HDAC9: variants seen among roughly 807,000 people sequenced by gnomAD.
The protein encoded by HDAC9 is MEF-2 interacting transcription repressor (MITR) protein.
Under a neutral mutation model 139.4 loss-of-function variants are expected in HDAC9, and 41 were observed. That is an observed-to-expected ratio of 0.29 (90% confidence interval 0.23 to 0.38). The LOEUF (loss-of-function observed/expected upper bound fraction) is 0.38, where lower values mean the gene tolerates loss of function less well. Ranked by LOEUF, HDAC9 falls within the 10% of genes least tolerant of loss-of-function variation. HDAC9 has a pLI of 1.00. For missense variants in HDAC9, 1,147 were observed against 1,297.0 expected, an observed-to-expected ratio of 0.88 and a Z score of 1.78; for synonymous variants, 517 against 476.2, an observed-to-expected ratio of 1.09 and a Z score of -1.12.
At chr7:18,606,871 G>A (rs1835662697) in intron 6 of HDAC9, among the ~76,000 whole-genome samples, 1 of 152,088 alleles carries the variant, frequency 6.6e-6, no homozygotes, top group Non-Finnish European at 1.5e-5. Context: ...TTATAGTTTA[G>A]TAGTGCTTTC....
chr7:18,768,100 G>T (rs1003312573), intron 16 of HDAC9, among the ~76,000 whole-genome samples: 1 of 152,144 alleles, frequency 6.6e-6, no homozygotes, highest in Non-Finnish European at 1.5e-5. Context: ...AAACAGAATG[G>T]TAGCTATATC....
At position 18,537,292 on chromosome 7, in the gene HDAC9, A is replaced by G. The variant is rs572740377; in HGVS notation, c.22+40968A>G. 6.6e-5 allele frequency among the ~76,000 whole-genome samples: 10 copies of G among 152,290 alleles called. No homozygotes were observed. The South Asian group carries it at 1.7e-3, about 25-fold the overall frequency. On this transcript the variant is annotated intron_variant, in intron 2 of 25. Coordinates refer to ENST00000686413, the MANE Select transcript of HDAC9 (RefSeq NM_178425.4). ...CATATCTGTTATCGTTGTTGTTTCT[A>G]GAGGAATGGAACCAAACTAAGGGGT...
At chr7:18,241,451 G>C (rs994134254) in intron 2 of HDAC9, among the ~76,000 whole-genome samples, 1 of 152,154 alleles carries the variant, frequency 6.6e-6, no homozygotes, top group African/African-American at 2.4e-5. Context: ...TGGCTGCTCA[G>C]ATTCTGTGTA....
Position 18,382,744 on chromosome 7 carries a change from A to G in HDAC9, c.-42+92229A>G, listed in dbSNP as rs559118822. Reference sequence around the variant, plus strand: ...ATAGTAAGCTGAGGATGTAAAATACATATAAAAGTAATAATTTTAAAGTAA... The same window carrying G: ...ATAGTAAGCTGAGGATGTAAAATACGTATAAAAGTAATAATTTTAAAGTAA... On this transcript the variant is annotated intron_variant, in intron 1 of 3. Coordinates refer to the HDAC9 transcript ENST00000413509. Among the ~76,000 whole-genome samples, 26 of 152,392 alleles carry G rather than the reference A, an allele frequency of 1.7e-4. No homozygotes were observed. The East Asian group carries it at 4.8e-3, about 28-fold the overall frequency.
rs757307638 is a variant in HDAC9 at position 18,585,394 on chromosome 7, T to C, written c.136T>C (p.Leu46=). 3 of 1,613,936 alleles carry C rather than the reference T, an allele frequency of 1.9e-6. No individual in the cohort carries two copies. The highest frequency in any genetic ancestry group is 2.2e-5 in the South Asian group (2 of 91,082). Residue 46 remains leucine, a synonymous_variant, in exon 3 of 26, where the codon TTG becomes CTG. Transcript: ENST00000686413. ...VVDPVVREKQ[L]QQELLLIQQQ... is the part of the protein sequence containing the mutation. Reference sequence around the variant, plus strand: ...GGACCCTGTTGTCCGTGAGAAGCAATTGCAGCAGGAATTACTTCTTATCCA... The same window carrying C: ...GGACCCTGTTGTCCGTGAGAAGCAACTGCAGCAGGAATTACTTCTTATCCA...
rs145718633 is a variant in HDAC9 at position 18,561,130 on chromosome 7, C to G, written c.23-24151C>G. Among the ~76,000 whole-genome samples the G allele has an allele frequency of 2.4e-3, 369 of 152,248 alleles. 1 individual carries two copies. Among genetic ancestry groups the G allele is most frequent in the African/African-American group, 8.4e-3 (351 of 41,542 alleles). Reference sequence around the variant, plus strand: ...ATTAGAATAGAAGAAATAGAAAGATCCATTGCCTTGATTAAAAGAAGTCAG... The same window carrying G: ...ATTAGAATAGAAGAAATAGAAAGATGCATTGCCTTGATTAAAAGAAGTCAG... On this transcript the variant is annotated intron_variant, in intron 2 of 25. Transcript: ENST00000686413.
At position 18,973,852 on chromosome 7, in the gene HDAC9, TC is replaced by T. The variant is rs1294011723; in HGVS notation, c.3023-1952del. Reference sequence around the variant, plus strand: ...TTTTGCCAAGATGTGAAATTGGTCTTCCTGCCCCCACTGTTATCACCTTCCA... The same window carrying T: ...TTTTGCCAAGATGTGAAATTGGTCTTCTGCCCCCACTGTTATCACCTTCCA... On this transcript the variant is annotated intron_variant, in intron 24 of 25. Transcript: ENST00000686413. 2.6e-5 allele frequency among the ~76,000 whole-genome samples: 4 copies of T among 152,188 alleles called. No homozygotes were observed. The South Asian group carries it at 8.3e-4, about 31-fold the overall frequency.
chr7:18,920,500 G>A (rs1338097475), intron 22 of HDAC9, among the ~76,000 whole-genome samples: 1 of 152,046 alleles, frequency 6.6e-6, no homozygotes, highest in Admixed American at 6.6e-5. Flanking sequence ...TCTCCTGCCT[G>A]ATTGCCCTGA....
chr7:18,172,784 G>A lies in HDAC9; in HGVS notation c.25+10435G>A, dbSNP rs1047005663. 1.1e-4 allele frequency among the ~76,000 whole-genome samples: 17 copies of A among 152,294 alleles called. No individual in the cohort carries two copies. The East Asian group carries it at 3.1e-3, about 28-fold the overall frequency. ...TTTTGAGTGAGTTTCTTAATCCTGA[G>A]TTCTAATTTGATTGCACTGTGGTCT... On this transcript the variant is annotated intron_variant, in intron 2 of 12. Coordinates refer to the HDAC9 transcript ENST00000417496.
intron 2 of HDAC9, among the ~76,000 whole-genome samples, chr7:18,169,452 T>G (rs1332073025): frequency 2.0e-5 from 3 of 151,226 alleles, no homozygotes; most frequent in Non-Finnish European, 4.4e-5. Flanking sequence ...GATACATCAG[T>G]TTTTTTTTCT....
At chr7:18,436,180 A>T (rs1475436344) in intron 1 of HDAC9, among the ~76,000 whole-genome samples, 1 of 152,208 alleles carries the variant, frequency 6.6e-6, no homozygotes, top group African/African-American at 2.4e-5. Flanking sequence ...TGTACACAAC[A>T]TACATGAAGT....
intron 2 of HDAC9, among the ~76,000 whole-genome samples, chr7:18,584,320 G>T (rs1371428286): frequency 6.6e-6 from 1 of 151,652 alleles, no homozygotes; most frequent in East Asian, 1.9e-4. Flanking sequence ...AGTAGAGAAG[G>T]GGTTTCACCG....
At chr7:18,567,548 T>C (rs1378838732) in intron 2 of HDAC9, among the ~76,000 whole-genome samples, 1 of 152,210 alleles carries the variant, frequency 6.6e-6, no homozygotes, top group African/African-American at 2.4e-5. Flanking sequence ...ATTATAAATT[T>C]TGTGGAAAAT....
intron 1 of HDAC9, among the ~76,000 whole-genome samples, chr7:18,140,318 G>T (rs192883584): frequency 1.3e-5 from 2 of 152,200 alleles, no homozygotes; most frequent in East Asian, 3.9e-4. Context: ...ACTGGCAAAA[G>T]AAGAAATTGT....
rs986747918 is a variant in HDAC9, at chr7:18,648,933, T to A, written c.1467+250T>A. ...CAAGATCTTTTTATGATCAGGTATA[T>A]ATTTTGGTACACAAGCCCATACGGG... is the stretch of plus-strand genomic sequence containing the variant. On this transcript the variant is annotated intron_variant, in intron 11 of 25. Coordinates refer to ENST00000686413, the MANE Select transcript of HDAC9 (RefSeq NM_178425.4). 2.0e-5 allele frequency among the ~76,000 whole-genome samples: 3 copies of A among 152,314 alleles called. No homozygotes were observed. In the South Asian group the frequency reaches 6.2e-4, roughly 32 times the overall value.
intron 2 of HDAC9, among the ~76,000 whole-genome samples, chr7:18,545,528 G>A (rs1201322038): frequency 6.6e-6 from 1 of 152,114 alleles, no homozygotes; most frequent in Non-Finnish European, 1.5e-5. Flanking sequence ...AGGGGGTGTA[G>A]TAAAAAATTA....
rs988501456 is a variant in HDAC9 at position 18,997,506 on chromosome 7, C to G, written c.*1444C>G. On this transcript the variant is annotated 3_prime_UTR_variant, in exon 26 of 26. Coordinates refer to ENST00000686413, the MANE Select transcript of HDAC9 (RefSeq NM_178425.4). The stretch of plus-strand genomic sequence containing the variant: ...TAGAATATCTCACAGTATTTAATAT[C>G]TGACAATGCTTTTGAAAGAGTTGAT... 2 of 152,114 alleles carry G rather than the reference C, an allele frequency of 1.3e-5. No homozygotes were observed. The highest frequency in any genetic ancestry group is 1.9e-4 in the East Asian group (1 of 5,196). 9.4% of individuals were successfully genotyped at this position (152,114 alleles called of 1,614,324 possible).
chr7:18,443,861 T>C (rs1792030662), intron 1 of HDAC9, among the ~76,000 whole-genome samples: 2 of 151,742 alleles, frequency 1.3e-5, no homozygotes, highest in Admixed American at 1.3e-4. Flanking sequence ...TACATTTGTA[T>C]AAACATATAT....
At chr7:18,131,265 A>G (rs899732021) in intron 1 of HDAC9, among the ~76,000 whole-genome samples, 2 of 152,192 alleles carry the variant, frequency 1.3e-5, no homozygotes, top group Non-Finnish European at 2.9e-5. Flanking sequence ...TGCTTTAAAA[A>G]TAGAACATTG....
Sources: allele counts gnomAD v4.1 joint callset (sites outside exome capture counted in the v4.1 genomes callset), GRCh38; gene constraint gnomAD v4.1.1; transcripts MANE v1.5; gene names NCBI Gene and HGNC (gene_info 2026-07-23, HGNC 2026-07-21).